The following FBRSL1 variants were observed in gnomAD, a reference collection of about 807,000 sequenced individuals.
FBRSL1 encodes fibrosin like 1, also known as fibrosin-1-like protein.
FBRSL1 carries 51 observed loss-of-function variants against 89.6 expected under a neutral mutation model. That is an observed-to-expected ratio of 0.57 (90% CI 0.45 to 0.72). The LOEUF (loss-of-function observed/expected upper bound fraction) is 0.72. FBRSL1 is among the 30% of genes least tolerant of loss of function. The pLI, the probability that FBRSL1 is intolerant of heterozygous loss-of-function variation, is 0.00. For synonymous variants in FBRSL1, 779 were observed against 681.1 expected (o/e 1.14, Z -2.24); for missense variants, 1,618 against 1,451.8 (o/e 1.11, Z -1.86).
At chr12:132,533,671 C>T (rs1002904878) in intron 4 of FBRSL1, among the ~76,000 whole-genome samples, 1 of 152,382 alleles carries the variant, frequency 6.6e-6, no homozygotes, top group East Asian at 1.9e-4. Context: ...CCCTCGTCTG[C>T]CACCCATCTG....
chr12:132,559,436 C>A (rs911464701), intron 5 of FBRSL1, among the ~76,000 whole-genome samples: 1 of 152,240 alleles, frequency 6.6e-6, no homozygotes, highest in South Asian at 2.1e-4. Flanking sequence ...CTGTCACCTA[C>A]GCTGAAGTGC....
intron 1 of FBRSL1, among the ~76,000 whole-genome samples, chr12:132,498,154 G>A (rs1019393372): frequency 3.3e-5 from 5 of 152,234 alleles, no homozygotes; most frequent in South Asian, 2.1e-4. Context: ...AGGGAAAGCC[G>A]GCCGTCCAGA....
intron 15 of FBRSL1, among the ~76,000 whole-genome samples, chr12:132,580,362 A>G (rs1375904400): frequency 6.6e-6 from 1 of 152,232 alleles, no homozygotes; most frequent in South Asian, 2.1e-4. Context: ...TGCTGGGATT[A>G]CAGGCGTGAG....
Position 132,572,437 on chromosome 12 carries a change from C to T in FBRSL1, c.1435-90C>T, listed in dbSNP as rs1566232096. 4.6e-6 allele frequency: 7 copies of T among 1,508,880 alleles called. No homozygotes were observed. The Admixed American group carries it at 5.9e-5, about 13-fold the overall frequency. 93.5% of individuals were successfully genotyped at this position (1,508,880 alleles called of 1,614,324 possible). A position where few individuals can be genotyped will look rare whatever the true frequency, so the allele number is the denominator to read the frequency against. ...GGGGCTGCCCCTCGCCTGGCCTCGC[C>T]CCTGCTGCATTGGTGCCACCTTCTG... On this transcript the variant is annotated intron_variant, in intron 10 of 18. Coordinates refer to ENST00000680143, the MANE Select transcript of FBRSL1 (RefSeq NM_001367871.1).
intron 2 of FBRSL1, among the ~76,000 whole-genome samples, chr12:132,515,548 G>A (rs1300381641): frequency 6.6e-6 from 1 of 151,450 alleles, no homozygotes. Flanking sequence ...AAAAAAAATG[G>A]AAGGTTTGTA....
chr12:132,581,416 T>C, intron 15 of FBRSL1, 23 bp from the exon 16 acceptor site: 1 of 1,550,760 alleles, frequency 6.4e-7, no homozygotes, highest in East Asian at 2.4e-5. Flanking sequence ...CTGGCTTCTG[T>C]CAAACCTGGC....
At chr12:132,563,570 G>A (rs1463946147) in intron 5 of FBRSL1, among the ~76,000 whole-genome samples, 1 of 152,166 alleles carries the variant, frequency 6.6e-6, no homozygotes, top group African/African-American at 2.4e-5. Context: ...CTGTCCGTCT[G>A]TCCCAGCATC....
In FBRSL1 at chr12:132,570,111, G is replaced by C. The variant is rs185543325; in HGVS notation, c.877G>C (p.Ala293Pro). 29 of 1,474,608 alleles carry C rather than the reference G, an allele frequency of 2.0e-5. No homozygotes were observed. The highest frequency in any genetic ancestry group is 2.4e-5 in the Non-Finnish European group (27 of 1,120,150). The allele number at this position is 1,474,608 out of a possible 1,614,324, so 91.3% of individuals were successfully genotyped here. ...TCCCTTGGTGAAGAAGGAACCCCCC[G>C]CCCCGCACCGCCACACCCCGCAGCC... The part of the protein sequence containing the change: ...ANPLVKKEPP[A>P]PHRHTPQPPP... The change falls in exon 7 of 19, where the codon GCC (alanine) becomes CCC (proline). Residue 293 changes from alanine (A) to proline (P), a missense_variant. Ala to Pro is a conservative substitution (Grantham distance 27). Transcript: ENST00000680143.
chr12:132,561,590 C>T (rs115720061), intron 5 of FBRSL1, among the ~76,000 whole-genome samples: 3,607 of 152,194 alleles, frequency 0.024, 136 homozygotes, highest in African/African-American at 0.082. Flanking sequence ...GAGGCCTCAG[C>T]ACCCGCCTCC....
intron 2 of FBRSL1, among the ~76,000 whole-genome samples, chr12:132,516,796 G>A (rs1194721757): frequency 6.6e-6 from 1 of 152,210 alleles, no homozygotes; most frequent in Non-Finnish European, 1.5e-5. Flanking sequence ...TGGCTTTGTT[G>A]TGGAATCTGT....
chr12:132,499,561 G>C lies in FBRSL1; in HGVS notation c.292-8592G>C, dbSNP rs562620633. ...AGGAGTCACAGAGGAGGCCACGAGG[G>C]CTTCTGGGGAAGAGTGCAGGCTGTG... On this transcript the variant is annotated intron_variant, in intron 1 of 18. Coordinates refer to ENST00000680143, the MANE Select transcript of FBRSL1 (RefSeq NM_001367871.1). The surrounding 1 kb of genome is among the most constrained non-coding windows in gnomAD (Gnocchi z 4.3). Among the ~76,000 whole-genome samples, 3 of 152,346 alleles carry C rather than the reference G, an allele frequency of 2.0e-5. No individual in the cohort carries two copies. The East Asian group carries it at 5.8e-4, about 29-fold the overall frequency.
chr12:132,528,384 G>A (rs926899143), intron 4 of FBRSL1, among the ~76,000 whole-genome samples: 3 of 152,276 alleles, frequency 2.0e-5, no homozygotes, highest in Non-Finnish European at 4.4e-5. Context: ...GGGGGCCTGG[G>A]ACATTTGGTG....
At chr12:132,571,304 T>C in intron 9 of FBRSL1, 73 bp downstream of exon 9, 1 of 1,529,312 alleles carries the variant, frequency 6.5e-7, no homozygotes, top group Non-Finnish European at 8.8e-7. Flanking sequence ...TTTTCTCTTG[T>C]AGATCACGAG....
intron 4 of FBRSL1, among the ~76,000 whole-genome samples, chr12:132,541,659 C>G (rs559864671): frequency 6.6e-6 from 1 of 152,378 alleles, no homozygotes; most frequent in South Asian, 2.1e-4. Context: ...CAGTGTGAAG[C>G]TCAACTCGAA....
At chr12:132,508,426 G>A in intron 2 of FBRSL1, 76 bp downstream of exon 2, 1 of 1,355,618 alleles carries the variant, frequency 7.4e-7, no homozygotes, top group East Asian at 2.6e-5. Flanking sequence ...CCAGCACCTG[G>A]ACACCACGCC....
intron 4 of FBRSL1, among the ~76,000 whole-genome samples, chr12:132,530,022 A>G (rs1001433696): frequency 6.6e-6 from 1 of 152,114 alleles, no homozygotes; most frequent in South Asian, 2.1e-4. Context: ...GGTCATGAGT[A>G]TGATGACACT....
At position 132,490,502 on chromosome 12, in the gene FBRSL1, G is replaced by A. The variant is rs978970257; in HGVS notation, c.-69G>A. 8.2e-5 allele frequency: 78 copies of A among 954,454 alleles called. No homozygotes were observed. The African/African-American group carries it at 1.3e-3, about 16-fold the overall frequency. 59.1% of individuals were successfully genotyped at this position (954,454 alleles called of 1,614,324 possible). A position where few individuals can be genotyped will look rare whatever the true frequency, so the allele number is the denominator to read the frequency against. On this transcript the variant is annotated 5_prime_UTR_variant, in exon 1 of 19. Transcript: ENST00000680143. ...AGCCCGGCGGCGCCGCGTAGCCGAG[G>A]GAGCCCGCCTGCTGCGAGCCAGGCG...
At chr12:132,522,457 C>T (rs1424551853) in intron 2 of FBRSL1, among the ~76,000 whole-genome samples, 1 of 152,180 alleles carries the variant, frequency 6.6e-6, no homozygotes, top group African/African-American at 2.4e-5. Context: ...CCTCAGGGCC[C>T]CAGTGCTCCT....
At chr12:132,509,122 G>A (rs990973879) in intron 2 of FBRSL1, 9 of 1,184,008 alleles carry the variant, frequency 7.6e-6, no homozygotes, top group African/African-American at 4.8e-5. Flanking sequence ...TTCCGCGGGC[G>A]GTGACACCTG....
Sources: gnomAD v4.1 joint callset for allele counts (sites outside exome capture counted in the v4.1 genomes callset) on GRCh38, gnomAD v4.1.1 for gene constraint, Gnocchi (gnomAD v3.1) non-coding constraint, MANE v1.5 for transcripts, NCBI Gene and HGNC (gene_info 2026-07-23, HGNC 2026-07-21) for gene names.